The following FBXL17 variants were observed in gnomAD, a reference collection of about 807,000 sequenced individuals.
The protein encoded by FBXL17 is F-box and leucine rich repeat protein 17.
A neutral mutation model predicts 66.2 loss-of-function variants in FBXL17; 22 were observed. The observed-to-expected ratio is 0.33, with a 90% confidence interval of 0.24 to 0.47. The LOEUF is 0.47. Ranked by LOEUF, FBXL17 falls within the 20% of genes least tolerant of loss-of-function variation. The probability of loss-of-function intolerance (pLI) is 1.00; values close to 1 mark genes in which losing one functional copy is unlikely to be tolerated. For synonymous variants in FBXL17, 474 were observed against 400.5 expected (o/e 1.18, Z -2.19); for missense variants, 878 against 948.2 (o/e 0.93, Z 0.97).
intron 7 of FBXL17, among the ~76,000 whole-genome samples, chr5:107,941,236 C>T (rs755311364): frequency 5.3e-5 from 8 of 152,072 alleles, no homozygotes; most frequent in Non-Finnish European, 7.4e-5. Context: ...GATGATGCAA[C>T]ATTGAAAAGC....
chr5:108,368,764 G>T (rs1339770016), intron 1 of FBXL17, among the ~76,000 whole-genome samples: 2 of 151,928 alleles, frequency 1.3e-5, no homozygotes, highest in Non-Finnish European at 2.9e-5. Flanking sequence ...AGTGTCAGAA[G>T]AAAATAAAAT....
intron 3 of FBXL17, among the ~76,000 whole-genome samples, chr5:108,355,906 C>G (rs907213538): frequency 2.0e-5 from 3 of 152,124 alleles, no homozygotes; most frequent in African/African-American, 7.2e-5. Flanking sequence ...CTTTAAACAT[C>G]AGTGGTCTAA....
chr5:108,191,289 T>C (rs1753460040), intron 5 of FBXL17, among the ~76,000 whole-genome samples: 1 of 152,234 alleles, frequency 6.6e-6, no homozygotes, highest in African/African-American at 2.4e-5. Flanking sequence ...ACAGAGTTTC[T>C]ATGTGAATTC....
intron 7 of FBXL17, among the ~76,000 whole-genome samples, chr5:107,970,087 T>C (rs777156281): frequency 6.6e-6 from 1 of 152,162 alleles, no homozygotes; most frequent in South Asian, 2.1e-4. Flanking sequence ...TATGTAAGGA[T>C]TGTATCATCT....
At chr5:108,234,409 C>A (rs112982908) in intron 4 of FBXL17, among the ~76,000 whole-genome samples, 12 of 152,292 alleles carry the variant, frequency 7.9e-5, no homozygotes, top group African/African-American at 2.9e-4. Context: ...TGACTTCCTC[C>A]TCCAAATCAA....
chr5:108,083,509 T>C (rs1406152589), intron 6 of FBXL17, among the ~76,000 whole-genome samples: 1 of 151,890 alleles, frequency 6.6e-6, no homozygotes, highest in Admixed American at 6.5e-5. Flanking sequence ...CAAGCCATTC[T>C]CGCATCTCAG....
At chr5:107,885,694 T>TA (rs1748942305) in intron 7 of FBXL17, among the ~76,000 whole-genome samples, 1 of 152,088 alleles carries the variant, frequency 6.6e-6, no homozygotes, top group African/African-American at 2.4e-5. Context: ...CCACCCTTCG[T>TA]AAAAAGCACA....
At chr5:108,184,460 CA>C (rs993003420) in intron 6 of FBXL17, among the ~76,000 whole-genome samples, 46 of 152,018 alleles carry the variant, frequency 3.0e-4, no homozygotes, top group African/African-American at 1.0e-3. Context: ...GCACCTGCCA[CA>C]AGGCCTGGCT....
At chr5:107,999,877 T>C (rs773941030) in intron 7 of FBXL17, among the ~76,000 whole-genome samples, 2 of 152,140 alleles carry the variant, frequency 1.3e-5, no homozygotes, top group Non-Finnish European at 2.9e-5. Context: ...GATGCATTCA[T>C]ATACCACATT....
chr5:108,312,092 T>C (rs1168719578), intron 4 of FBXL17, among the ~76,000 whole-genome samples: 1 of 152,088 alleles, frequency 6.6e-6, no homozygotes, highest in South Asian at 2.1e-4. Context: ...TATTTTTTTC[T>C]ATAAAAACAT....
At chr5:108,001,786 C>T (rs1753739930) in intron 7 of FBXL17, among the ~76,000 whole-genome samples, 1 of 151,962 alleles carries the variant, frequency 6.6e-6, no homozygotes, top group Admixed American at 6.6e-5. Flanking sequence ...AGGTGTGAGC[C>T]ACCGTGCCCA....
At chr5:108,055,877 A>G (rs1747690591) in intron 6 of FBXL17, among the ~76,000 whole-genome samples, 1 of 152,176 alleles carries the variant, frequency 6.6e-6, no homozygotes, top group Admixed American at 6.5e-5. Context: ...TCTAGTCCTC[A>G]TGTCATTTTT....
intron 7 of FBXL17, among the ~76,000 whole-genome samples, chr5:107,966,930 G>C (rs1221530554): frequency 6.6e-6 from 1 of 151,990 alleles, no homozygotes; most frequent in Non-Finnish European, 1.5e-5. Flanking sequence ...TTTTTCAAGA[G>C]AAGAATGCAG....
intron 8 of FBXL17, among the ~76,000 whole-genome samples, chr5:107,873,832 C>T (rs1427913990): frequency 6.6e-6 from 1 of 152,204 alleles, no homozygotes; most frequent in Non-Finnish European, 1.5e-5. Flanking sequence ...TCCAGGGTGC[C>T]TTCAGGCAAA....
At chr5:108,195,483 G>A (rs543795199) in intron 5 of FBXL17, among the ~76,000 whole-genome samples, 31 of 152,176 alleles carry the variant, frequency 2.0e-4, no homozygotes, top group Non-Finnish European at 4.0e-4. Flanking sequence ...AGGAGACATG[G>A]TCAAAGAGGA....
intron 7 of FBXL17, among the ~76,000 whole-genome samples, chr5:107,998,503 G>A (rs1753572118): frequency 6.6e-6 from 1 of 151,844 alleles, no homozygotes; most frequent in Non-Finnish European, 1.5e-5. Flanking sequence ...TGGCCATTAA[G>A]TTTATAATCT....
At chr5:107,995,005 G>A (rs749722502) in intron 7 of FBXL17, among the ~76,000 whole-genome samples, 1 of 152,132 alleles carries the variant, frequency 6.6e-6, no homozygotes, top group Non-Finnish European at 1.5e-5. Context: ...AAGGGTCATG[G>A]GGGCATCGTG....
chr5:108,373,369 T>TG, intron 1 of FBXL17, among the ~76,000 whole-genome samples: 1 of 39,046 alleles, frequency 2.6e-5, no homozygotes, highest in Non-Finnish European at 5.1e-5. Context: ...TATATTAATA[T>TG]AAATATATAT....
intron 4 of FBXL17, among the ~76,000 whole-genome samples, chr5:108,278,009 G>A (rs1003174569): frequency 9.3e-5 from 1 of 10,768 alleles, no homozygotes; most frequent in African/African-American, 5.0e-4. Flanking sequence ...GAGGGAACAC[G>A]AGTTCAACAG....
Sources: allele counts gnomAD v4.1 joint callset (sites outside exome capture counted in the v4.1 genomes callset), GRCh38; gene constraint gnomAD v4.1.1; transcripts MANE v1.5; gene names NCBI Gene and HGNC (gene_info 2026-07-23, HGNC 2026-07-21).